The following CDH13 variants were observed in gnomAD, a reference collection of about 807,000 sequenced individuals.
CDH13 encodes cadherin 13, also known as cadherin-13.
In CDH13, 24 loss-of-function variants were observed where a neutral mutation model predicts 63.8. The ratio of observed to expected loss-of-function variants is 0.38; its 90% confidence interval spans 0.27 to 0.53. CDH13 has a LOEUF of 0.53. Ranked by LOEUF, CDH13 falls within the 20% of genes least tolerant of loss-of-function variation. CDH13 has a pLI of 0.85. For synonymous variants in CDH13, 503 were observed against 355.3 expected (o/e 1.42, Z -4.67); for missense variants, 1,049 against 903.1 (o/e 1.16, Z -2.07).
intron 6 of CDH13, among the ~76,000 whole-genome samples, chr16:83,409,142 C>T (rs1310301298): frequency 6.6e-6 from 1 of 152,060 alleles, no homozygotes; most frequent in African/African-American, 2.4e-5. Flanking sequence ...GGAAGGCAGC[C>T]AATAACGTAA....
At chr16:82,959,156 C>G (rs573720450) in intron 2 of CDH13, among the ~76,000 whole-genome samples, 1 of 152,270 alleles carries the variant, frequency 6.6e-6, no homozygotes, top group Non-Finnish European at 1.5e-5. Flanking sequence ...GTAAATTTCC[C>G]CTTTTATTTG....
intron 10 of CDH13, among the ~76,000 whole-genome samples, chr16:83,680,268 C>T (rs1483057092): frequency 6.6e-6 from 1 of 152,192 alleles, no homozygotes; most frequent in East Asian, 1.9e-4. Context: ...GGCAGCTCTG[C>T]CTTGCTGGAG....
chr16:83,037,152 A>T (rs891785424), intron 3 of CDH13, among the ~76,000 whole-genome samples: 1 of 152,196 alleles, frequency 6.6e-6, no homozygotes, highest in African/African-American at 2.4e-5. Context: ...AATAGCTACT[A>T]CTATTTTTTG....
At chr16:82,988,092 C>T (rs890906916) in intron 2 of CDH13, among the ~76,000 whole-genome samples, 2 of 152,184 alleles carry the variant, frequency 1.3e-5, no homozygotes, top group Non-Finnish European at 2.9e-5. Context: ...AACCCTCCTT[C>T]CTCAATCATT....
chr16:83,720,567 A>AC (rs1909557483), intron 10 of CDH13, among the ~76,000 whole-genome samples: 1 of 151,666 alleles, frequency 6.6e-6, no homozygotes, highest in African/African-American at 2.4e-5. Flanking sequence ...ACATAGTGAG[A>AC]CCCCGTCTCT....
intron 1 of CDH13, among the ~76,000 whole-genome samples, chr16:82,833,704 C>T (rs910585633): frequency 6.6e-6 from 1 of 152,210 alleles, no homozygotes; most frequent in African/African-American, 2.4e-5. Flanking sequence ...TTTCAATCTA[C>T]TGCCTCCTTG....
chr16:83,411,597 A>G (rs77925694), intron 6 of CDH13, among the ~76,000 whole-genome samples: 2 of 152,332 alleles, frequency 1.3e-5, no homozygotes, highest in East Asian at 3.9e-4. Context: ...CACACAGCAC[A>G]TGCTACTTTT....
At chr16:82,879,165 G>C (rs1213057120) in intron 2 of CDH13, among the ~76,000 whole-genome samples, 2 of 152,054 alleles carry the variant, frequency 1.3e-5, no homozygotes, top group Non-Finnish European at 2.9e-5. Flanking sequence ...TCATAGTATT[G>C]GTGGCAGGCA....
intron 7 of CDH13, among the ~76,000 whole-genome samples, chr16:83,496,215 CA>C (rs2074140177): frequency 6.6e-6 from 1 of 151,206 alleles, no homozygotes; most frequent in Admixed American, 6.6e-5. Context: ...AATCCTAAGC[CA>C]AAAGAACAAA....
chr16:83,351,255 T>C (rs1162401505), intron 6 of CDH13, among the ~76,000 whole-genome samples: 1 of 151,752 alleles, frequency 6.6e-6, no homozygotes, highest in East Asian at 1.9e-4. Context: ...TATGTGTTTC[T>C]GGAATATCAG....
chr16:82,881,697 G>A (rs1286575661), intron 2 of CDH13, among the ~76,000 whole-genome samples: 1 of 152,166 alleles, frequency 6.6e-6, no homozygotes, highest in Non-Finnish European at 1.5e-5. Flanking sequence ...GGTATCCATG[G>A]AGACAGCTTC....
chr16:82,659,432 T>G (rs568934437), intron 1 of CDH13, among the ~76,000 whole-genome samples: 1 of 152,220 alleles, frequency 6.6e-6, no homozygotes, highest in Non-Finnish European at 1.5e-5. Context: ...AGGCACTGTC[T>G]GCATGTACTT....
At chr16:82,672,999 C>CTTTTTTGTTTTTTTTTTTTTTT (rs1913456182) in intron 1 of CDH13, among the ~76,000 whole-genome samples, 1 of 81,268 alleles carries the variant, frequency 1.2e-5, no homozygotes, top group Non-Finnish European at 2.1e-5. Flanking sequence ...ATAAAGTTTT[C>CTTTTTTGTTTTTTTTTTTTTTT]TTTTTTTTTT....
chr16:82,857,588 T>C (rs181538040), intron 1 of CDH13, among the ~76,000 whole-genome samples: 1 of 152,368 alleles, frequency 6.6e-6, no homozygotes, highest in Non-Finnish European at 1.5e-5. Flanking sequence ...CTGGATGAAG[T>C]GTCTTAAGCA....
At chr16:82,667,996 T>G (rs1381848051) in intron 1 of CDH13, among the ~76,000 whole-genome samples, 2 of 152,172 alleles carry the variant, frequency 1.3e-5, no homozygotes, top group African/African-American at 4.8e-5. Context: ...ATGTTACGCA[T>G]CTATCGCGAC....
chr16:82,820,495 A>G (rs1189454688), intron 1 of CDH13, among the ~76,000 whole-genome samples: 1 of 152,198 alleles, frequency 6.6e-6, no homozygotes, highest in African/African-American at 2.4e-5. Context: ...ATAATTGGTT[A>G]GTGGTGGAGG....
intron 4 of CDH13, among the ~76,000 whole-genome samples, chr16:83,210,204 A>G (rs1045122938): frequency 2.0e-5 from 3 of 151,998 alleles, no homozygotes; most frequent in Admixed American, 1.3e-4. Context: ...AACTGGGACT[A>G]TAGGCGCCTG....
intron 7 of CDH13, among the ~76,000 whole-genome samples, chr16:83,539,111 T>C (rs1288822691): frequency 1.3e-5 from 2 of 152,150 alleles, no homozygotes; most frequent in Non-Finnish European, 2.9e-5. Context: ...GAATCTAGTA[T>C]CCTTAGAACA....
At chr16:82,972,819 C>T (rs1275809338) in intron 2 of CDH13, among the ~76,000 whole-genome samples, 1 of 152,150 alleles carries the variant, frequency 6.6e-6, no homozygotes, top group African/African-American at 2.4e-5. Flanking sequence ...TAGCTGAAAT[C>T]TGTACAAAAT....
Sources: gnomAD v4.1 joint callset for allele counts (sites outside exome capture counted in the v4.1 genomes callset) on GRCh38, gnomAD v4.1.1 for gene constraint, MANE v1.5 for transcripts, NCBI Gene and HGNC (gene_info 2026-07-23, HGNC 2026-07-21) for gene names.